C3orf33: variants seen among roughly 807,000 people sequenced by gnomAD.
The protein encoded by C3orf33 is mitochondrial inner membrane subdomain organizer 1, also known as AP-1 activity suppressor.
In C3orf33, 23 loss-of-function variants were observed where a neutral mutation model predicts 28.7. The ratio of observed to expected loss-of-function variants is 0.80; its 90% CI spans 0.58 to 1.13. C3orf33 has a LOEUF of 1.13. Among genes scored for constraint, C3orf33 ranks in the 50% most tolerant of loss-of-function variants. The pLI is 0.00. For synonymous variants in C3orf33, 119 were observed against 120.5 expected, an observed-to-expected ratio of 0.99 and a Z score of 0.08; for missense variants, 327 against 353.4, an observed-to-expected ratio of 0.93 and a Z score of 0.60.
At chr3:155,786,876 A>G (rs191051380) in intron 2 of C3orf33, among the ~76,000 whole-genome samples, 438 of 152,330 alleles carry the variant, frequency 2.9e-3, no homozygotes, top group African/African-American at 0.01. Context: ...AATCATGAAG[A>G]AAGTAAAAAT....
rs1191766689 is a variant in C3orf33 at position 155,763,810 on chromosome 3, G to A, written c.592C>T (p.His198Tyr). The A allele has an allele frequency of 1.2e-6, 2 of 1,602,430 alleles. No homozygotes were observed. The highest frequency in any genetic ancestry group is 2.7e-5 in the African/African-American group (2 of 74,518). ...AATTCAGCTTTAAGTAAGTTTCTGT[G>A]AACTGTCCAGTAGATTTTAGAATCA... ...KYDSKIYWTV[H>Y]RNLLKAELTA... Residue 198 changes from histidine to tyrosine, a missense_variant, in exon 5 of 5, where the codon CAC (histidine) becomes TAC (tyrosine). Coordinates refer to ENST00000340171, the MANE Select transcript of C3orf33 (RefSeq NM_001308229.2).
At chr3:155,790,444 A>G (rs1751280316) in intron 2 of C3orf33, among the ~76,000 whole-genome samples, 1 of 152,186 alleles carries the variant, frequency 6.6e-6, no homozygotes, top group African/African-American at 2.4e-5. Context: ...AGGGCAGAGA[A>G]AAATGGCTGA....
chr3:155,803,752 C>T (rs1315680340), intron 1 of C3orf33, among the ~76,000 whole-genome samples: 1 of 147,678 alleles, frequency 6.8e-6, no homozygotes, highest in Non-Finnish European at 1.5e-5. Context: ...CGTGGTAGCA[C>T]ACATCTGTAA....
intron 1 of C3orf33, among the ~76,000 whole-genome samples, chr3:155,802,800 C>T (rs183479070): frequency 2.0e-5 from 3 of 152,076 alleles, no homozygotes; most frequent in Admixed American, 6.6e-5. Flanking sequence ...TACTCAAATT[C>T]TTTCCCAATC....
intron 3 of C3orf33, among the ~76,000 whole-genome samples, chr3:155,771,913 G>A (rs899139938): frequency 6.6e-6 from 1 of 152,248 alleles, no homozygotes; most frequent in East Asian, 1.9e-4. Context: ...CTATCAAAAA[G>A]GTAGAACTTG....
intron 2 of C3orf33, among the ~76,000 whole-genome samples, chr3:155,801,047 C>T (rs560555222): frequency 5.9e-5 from 9 of 152,018 alleles, no homozygotes; most frequent in African/African-American, 1.7e-4. Context: ...AAAAATAGGA[C>T]GGGTGTTGTT....
At chr3:155,781,401 A>G in intron 2 of C3orf33, among the ~76,000 whole-genome samples, 1 of 152,006 alleles carries the variant, frequency 6.6e-6, no homozygotes, top group East Asian at 1.9e-4. Flanking sequence ...TGTTTTAATC[A>G]CTTAATGTTT....
Position 155,763,381 on chromosome 3 carries a change from C to A in C3orf33, c.*136G>T. 1 of 517,432 alleles carries A rather than the reference C, an allele frequency of 1.9e-6. No homozygotes were observed. 32.1% of individuals were successfully genotyped at this position (517,432 alleles called of 1,614,324 possible). On this transcript the variant is annotated 3_prime_UTR_variant, in exon 5 of 5. Coordinates refer to ENST00000340171, the MANE Select transcript of C3orf33 (RefSeq NM_001308229.2). Reference sequence around the variant, plus strand: ...GACATTATGCTTATAATAATCATCTCTTTTTAATATTTAAATACCATTGGA... The same window carrying A: ...GACATTATGCTTATAATAATCATCTATTTTTAATATTTAAATACCATTGGA...
chr3:155,801,050 G>T (rs1467012486), intron 2 of C3orf33, among the ~76,000 whole-genome samples: 1 of 152,024 alleles, frequency 6.6e-6, no homozygotes, highest in Admixed American at 6.6e-5. Flanking sequence ...AATAGGACGG[G>T]TGTTGTTATC....
rs60966459 is a variant in C3orf33, at chr3:155,772,772, C to CTGTGTGTGTGTGTGTGTG, written c.322+2911_322+2928dup. Among the ~76,000 whole-genome samples, 63 of 142,224 alleles carry CTGTGTGTGTGTGTGTGTG rather than the reference C, an allele frequency of 4.4e-4. 1 individual carries two copies. The highest frequency in any genetic ancestry group is 8.1e-4 in the Non-Finnish European group (53 of 65,830). 93.3% of individuals were successfully genotyped at this position (142,224 alleles called of 152,430 possible). A position where few individuals can be genotyped will look rare whatever the true frequency, so the allele number is the denominator to read the frequency against. On this transcript the variant is annotated intron_variant, in intron 3 of 4. Coordinates refer to ENST00000340171, the MANE Select transcript of C3orf33 (RefSeq NM_001308229.2). ...TTTCAGTTCATAAAATTTTTAGGCT[C>CTGTGTGTGTGTGTGTGTG]TGTGTGTGTGTGTGTGTGTGTGTGT...
intron 2 of C3orf33, among the ~76,000 whole-genome samples, chr3:155,778,783 C>T (rs149174212): frequency 1.1e-4 from 17 of 152,148 alleles, no homozygotes; most frequent in Non-Finnish European, 1.5e-4. Flanking sequence ...TAAGGGAATA[C>T]CAATGAATTA....
chr3:155,789,995 T>G (rs1751260462), intron 2 of C3orf33, among the ~76,000 whole-genome samples: 1 of 151,888 alleles, frequency 6.6e-6, no homozygotes, highest in African/African-American at 2.4e-5. Flanking sequence ...AAACCCCATC[T>G]GTACCAAAAA....
chr3:155,788,795 A>G (rs1036321903), intron 2 of C3orf33, among the ~76,000 whole-genome samples: 2 of 152,160 alleles, frequency 1.3e-5, no homozygotes, highest in South Asian at 4.1e-4. Context: ...CACCACCTCT[A>G]TTCAACAGAG....
rs573747126 is a variant in C3orf33 at position 155,783,940 on chromosome 3, G to GT, written c.175-8093dup. Among the ~76,000 whole-genome samples, 939 of 142,094 alleles carry GT rather than the reference G, an allele frequency of 6.6e-3. 8 individuals are homozygous for GT. Among genetic ancestry groups the GT allele is most frequent in the African/African-American group, 0.022 (862 of 38,520 alleles). The allele number at this position is 142,094 out of a possible 152,430, so 93.2% of individuals were successfully genotyped here. A position where few individuals can be genotyped will look rare whatever the true frequency, so the allele number is the denominator to read the frequency against. ...TTGTTTTGTTTGGGGTTTTTTTTTT[G>GT]TTTTTTTTGAGACAGAGTTTCGCTC... On this transcript the variant is annotated intron_variant, in intron 2 of 4. Transcript: ENST00000340171.
intron 2 of C3orf33, among the ~76,000 whole-genome samples, chr3:155,779,708 C>T (rs891317481): frequency 1.3e-5 from 2 of 152,046 alleles, no homozygotes; most frequent in African/African-American, 4.8e-5. Context: ...CAGTACTTTG[C>T]CCAGGGAAAG....
intron 2 of C3orf33, among the ~76,000 whole-genome samples, chr3:155,784,729 AAAAAT>A (rs1391731241): frequency 1.3e-5 from 2 of 151,906 alleles, no homozygotes; most frequent in African/African-American, 4.8e-5. Context: ...CTGTCTCAAA[AAAAAT>A]AAAATAAAAT....
chr3:155,777,115 C>T (rs1375766262), intron 2 of C3orf33, among the ~76,000 whole-genome samples: 2 of 151,804 alleles, frequency 1.3e-5, no homozygotes, highest in Admixed American at 6.6e-5. Flanking sequence ...GTCAGGAGTT[C>T]GAGACCAGCC....
At chr3:155,801,509 G>A (rs1751648507) in intron 2 of C3orf33, among the ~76,000 whole-genome samples, 1 of 151,984 alleles carries the variant, frequency 6.6e-6, no homozygotes, top group Non-Finnish European at 1.5e-5. Context: ...AGCAAAATGT[G>A]ATATACACTT....
intron 3 of C3orf33, among the ~76,000 whole-genome samples, chr3:155,771,016 AC>A (rs1750569971): frequency 1.5e-4 from 9 of 60,940 alleles, no homozygotes; most frequent in Non-Finnish European, 1.2e-4. Context: ...TTGCTCTGCC[AC>A]TGTGTGTGTG....
Sources: gnomAD v4.1 joint callset for allele counts (sites outside exome capture counted in the v4.1 genomes callset) on GRCh38, gnomAD v4.1.1 for gene constraint, MANE v1.5 for transcripts, NCBI Gene and HGNC (gene_info 2026-07-23, HGNC 2026-07-21) for gene names.